Variants in ASTN2 observed in about 807,000 individuals in gnomAD.
The protein encoded by ASTN2 is astrotactin 2.
A neutral mutation model predicts 139.8 loss-of-function variants in ASTN2; 54 were observed. That is an observed-to-expected ratio of 0.39 (90% CI 0.31 to 0.48). ASTN2 has a LOEUF of 0.48. Among genes scored for constraint, ASTN2 ranks in the 20% least tolerant of loss-of-function variants. The pLI, the probability that ASTN2 is intolerant of heterozygous loss-of-function variation, is 0.95. For synonymous variants in ASTN2, 756 were observed against 719.5 expected, an observed-to-expected ratio of 1.05 and a Z score of -0.81; for missense variants, 1,565 against 1,725.1, an observed-to-expected ratio of 0.91 and a Z score of 1.64.
intron 4 of ASTN2, among the ~76,000 whole-genome samples, chr9:117,096,729 A>T (rs1390192592): frequency 6.6e-6 from 1 of 152,162 alleles, no homozygotes; most frequent in African/African-American, 2.4e-5. Context: ...CCACTCAATG[A>T]GGTGCTAGGA....
intron 12 of ASTN2, among the ~76,000 whole-genome samples, chr9:116,812,509 C>A (rs2132257295): frequency 6.6e-6 from 1 of 152,272 alleles, no homozygotes; most frequent in Non-Finnish European, 1.5e-5. Context: ...TCCCCTAAGG[C>A]CTCCAGAAGG....
chr9:116,675,855 C>T (rs1859468274), intron 16 of ASTN2, among the ~76,000 whole-genome samples: 1 of 152,168 alleles, frequency 6.6e-6, no homozygotes, highest in African/African-American at 2.4e-5. Context: ...GAGGTCATGC[C>T]TTCCCACCTG....
intron 19 of ASTN2, among the ~76,000 whole-genome samples, chr9:116,550,312 T>C (rs1235067096): frequency 6.6e-6 from 1 of 152,208 alleles, no homozygotes; most frequent in Non-Finnish European, 1.5e-5. Flanking sequence ...GCACAGTATC[T>C]TCATCTGCAA....
intron 19 of ASTN2, among the ~76,000 whole-genome samples, chr9:116,530,006 C>T (rs1851253986): frequency 6.7e-6 from 1 of 149,842 alleles, no homozygotes; most frequent in African/African-American, 2.4e-5. Context: ...GGGATATCTG[C>T]ACTTCCATGT....
At chr9:116,898,409 C>CAG (rs1554757921) in intron 10 of ASTN2, among the ~76,000 whole-genome samples, 2 of 138,670 alleles carry the variant, frequency 1.4e-5, no homozygotes, top group African/African-American at 5.4e-5. Context: ...GACCCTGTCT[C>CAG]AAAAAAAAAA....
intron 12 of ASTN2, among the ~76,000 whole-genome samples, chr9:116,813,878 T>C (rs969857028): frequency 9.9e-5 from 15 of 151,756 alleles, no homozygotes; most frequent in African/African-American, 3.4e-4. Flanking sequence ...CTACTAAAAA[T>C]ACAATAAATT....
At chr9:117,299,225 C>T (rs1834815312) in intron 1 of ASTN2, among the ~76,000 whole-genome samples, 1 of 152,184 alleles carries the variant, frequency 6.6e-6, no homozygotes, top group Non-Finnish European at 1.5e-5. Context: ...TTCTCATTCA[C>T]TTTTCTCTAC....
At chr9:116,796,776 G>C (rs1017748711) in intron 13 of ASTN2, among the ~76,000 whole-genome samples, 1 of 152,104 alleles carries the variant, frequency 6.6e-6, no homozygotes, top group Admixed American at 6.6e-5. Context: ...TAACAATACT[G>C]TATTGTAGAC....
At position 117,014,096 on chromosome 9, in the gene ASTN2, C is replaced by T. The variant is rs533868091; in HGVS notation, c.1424-5837G>A. 8.5e-5 allele frequency among the ~76,000 whole-genome samples: 13 copies of T among 152,198 alleles called. No individual in the cohort carries two copies. The East Asian group carries it at 9.7e-4, about 11-fold the overall frequency. On this transcript the variant is annotated intron_variant, in intron 6 of 22. Coordinates refer to ENST00000313400, the MANE Select transcript of ASTN2 (RefSeq NM_001365068.1). Reference sequence around the variant, plus strand: ...CCCTTCTGTTACATCATGAATACCACGGGTCCTAGCTGTCTTGGACCTGGG... The same window carrying T: ...CCCTTCTGTTACATCATGAATACCATGGGTCCTAGCTGTCTTGGACCTGGG...
At chr9:116,509,116 G>A (rs964723562) in intron 19 of ASTN2, among the ~76,000 whole-genome samples, 3 of 152,034 alleles carry the variant, frequency 2.0e-5, no homozygotes, top group Non-Finnish European at 4.4e-5. Context: ...CCATTAACTC[G>A]TCATTTACAT....
At chr9:116,469,021 G>A (rs926217464) in intron 20 of ASTN2, among the ~76,000 whole-genome samples, 20 of 152,082 alleles carry the variant, frequency 1.3e-4, no homozygotes, top group African/African-American at 4.8e-4. Flanking sequence ...CTTTCACTGG[G>A]CTGAAAGGCA....
At chr9:117,396,619 G>A (rs1320030314) in intron 1 of ASTN2, among the ~76,000 whole-genome samples, 1 of 152,170 alleles carries the variant, frequency 6.6e-6, no homozygotes, top group African/African-American at 2.4e-5. Context: ...AGGCTAGAGT[G>A]CAGTGGCCTG....
At chr9:117,159,901 T>A (rs763100536) in intron 3 of ASTN2, among the ~76,000 whole-genome samples, 4 of 152,058 alleles carry the variant, frequency 2.6e-5, no homozygotes, top group Non-Finnish European at 5.9e-5. Flanking sequence ...GAGGTCAGAT[T>A]AGTCTGGCTA....
At chr9:116,845,940 C>A (rs138823407) in intron 11 of ASTN2, among the ~76,000 whole-genome samples, 1 of 152,184 alleles carries the variant, frequency 6.6e-6, no homozygotes, top group Admixed American at 6.5e-5. Context: ...ATAGCATTGT[C>A]ATTCATAATA....
intron 13 of ASTN2, among the ~76,000 whole-genome samples, chr9:116,740,552 G>A (rs1395996523): frequency 1.3e-5 from 2 of 151,734 alleles, no homozygotes; most frequent in Middle Eastern, 3.4e-3. Flanking sequence ...TTGCTCTGTC[G>A]CCCAGGCTGG....
chr9:116,716,245 G>A (rs1390526255), intron 16 of ASTN2, among the ~76,000 whole-genome samples: 1 of 152,098 alleles, frequency 6.6e-6, no homozygotes, highest in Non-Finnish European at 1.5e-5. Flanking sequence ...CTAGGAAGAC[G>A]GAGAGTGGGG....
chr9:117,035,209 T>C (rs1230229302), intron 6 of ASTN2, among the ~76,000 whole-genome samples: 1 of 152,164 alleles, frequency 6.6e-6, no homozygotes, highest in African/African-American at 2.4e-5. Context: ...ATGGAGCTTC[T>C]TGCACTTGAC....
intron 16 of ASTN2, among the ~76,000 whole-genome samples, chr9:116,669,881 C>T (rs1859087620): frequency 6.6e-6 from 1 of 151,616 alleles, no homozygotes; most frequent in Non-Finnish European, 1.5e-5. Flanking sequence ...TCTTGGCTCA[C>T]TGCAACCTCA....
At chr9:117,300,513 T>A (rs1008898700) in intron 1 of ASTN2, among the ~76,000 whole-genome samples, 2 of 152,174 alleles carry the variant, frequency 1.3e-5, no homozygotes, top group Non-Finnish European at 2.9e-5. Context: ...AGATGATAAG[T>A]GTGTGGTAAT....
Sources: allele counts gnomAD v4.1 joint callset (sites outside exome capture counted in the v4.1 genomes callset), GRCh38; gene constraint gnomAD v4.1.1; transcripts MANE v1.5; gene names NCBI Gene and HGNC (gene_info 2026-07-23, HGNC 2026-07-21).